ST18: variants seen among roughly 807,000 people sequenced by gnomAD.
The protein encoded by ST18 is suppression of tumorigenicity 18 protein.
Under a neutral mutation model 110.0 loss-of-function variants are expected in ST18, and 50 were observed. The ratio of observed to expected loss-of-function variants is 0.45; its 90% CI spans 0.36 to 0.58. The LOEUF (loss-of-function observed/expected upper bound fraction) is 0.58, where lower values mean the gene tolerates loss of function less well. Ranked by LOEUF, ST18 falls within the 20% of genes least tolerant of loss-of-function variation. The probability of loss-of-function intolerance (pLI) is 0.00; values close to 1 mark genes in which losing one functional copy is unlikely to be tolerated. For missense variants in ST18, 1,306 were observed against 1,280.1 expected (o/e 1.02, Z -0.31); for synonymous variants, 461 against 452.4 (o/e 1.02, Z -0.24).
chr8:52,156,990 A>G (rs1033573273), intron 15 of ST18, among the ~76,000 whole-genome samples: 1 of 152,170 alleles, frequency 6.6e-6, no homozygotes, highest in Admixed American at 6.5e-5. Context: ...CTTGGTTGGC[A>G]CTGAAAGGCT....
intron 2 of ST18, among the ~76,000 whole-genome samples, chr8:52,348,773 A>G (rs1257118311): frequency 6.6e-6 from 1 of 152,166 alleles, no homozygotes. Flanking sequence ...TTTATCATGT[A>G]CAGTATGAAG....
chr8:52,396,813 G>T (rs1371323842), intron 2 of ST18, among the ~76,000 whole-genome samples: 1 of 152,120 alleles, frequency 6.6e-6, no homozygotes, highest in Non-Finnish European at 1.5e-5. Context: ...ATGAGATTTG[G>T]GTGGGGACAC....
intron 2 of ST18, among the ~76,000 whole-genome samples, chr8:52,388,841 G>A (rs1252682809): frequency 1.3e-5 from 2 of 148,250 alleles, no homozygotes; most frequent in Non-Finnish European, 3.0e-5. Flanking sequence ...GGGAGGGATA[G>A]CTTTAGGAGA....
At chr8:52,143,120 C>A (rs1379226858) in intron 16 of ST18, 75 bp from the exon 17 acceptor site, 3 of 922,292 alleles carry the variant, frequency 3.3e-6, no homozygotes, top group African/African-American at 1.7e-5. Context: ...GATTTAAAAT[C>A]ATTGAAGCCA....
rs112003570 is a variant in ST18 at position 52,227,623 on chromosome 8, A to T, written c.-419+2409T>A. ...AGAGGGTCAAAGACTTGATGGTCAA[A>T]TTAGATACCTAAAATTAAATGCTTT... is the stretch of plus-strand genomic sequence containing the variant. On this transcript the variant is annotated intron_variant, in intron 3 of 25. Transcript: ENST00000689386. 7.5e-3 allele frequency among the ~76,000 whole-genome samples: 1,143 copies of T among 152,334 alleles called. 7 individuals are homozygous for T. Among genetic ancestry groups the T allele is most frequent in the Non-Finnish European group, 9.7e-3 (658 of 68,030 alleles).
intron 9 of ST18, among the ~76,000 whole-genome samples, chr8:52,173,679 C>G (rs950326277): frequency 6.6e-6 from 1 of 152,034 alleles, no homozygotes; most frequent in Non-Finnish European, 1.5e-5. Context: ...GCAACAGTGC[C>G]CAGACATCCA....
chr8:52,193,987 C>T (rs1019522823), intron 8 of ST18, among the ~76,000 whole-genome samples: 7 of 152,190 alleles, frequency 4.6e-5, no homozygotes, highest in African/African-American at 1.7e-4. Context: ...TGTCATGGAA[C>T]ACTGATTCCA....
chr8:52,247,068 T>C (rs2093920171), intron 2 of ST18, among the ~76,000 whole-genome samples: 1 of 152,120 alleles, frequency 6.6e-6, no homozygotes, highest in Non-Finnish European at 1.5e-5. Flanking sequence ...ATTTTATAGC[T>C]CCTCTTAGAT....
At chr8:52,382,788 A>G (rs1463404028) in intron 2 of ST18, among the ~76,000 whole-genome samples, 1 of 151,864 alleles carries the variant, frequency 6.6e-6, no homozygotes, top group African/African-American at 2.4e-5. Context: ...ATAGGGCAAG[A>G]AAGTGCCTCA....
At chr8:52,226,463 C>T (rs1234435075) in intron 3 of ST18, among the ~76,000 whole-genome samples, 3 of 152,186 alleles carry the variant, frequency 2.0e-5, no homozygotes, top group Non-Finnish European at 4.4e-5. Flanking sequence ...TCTTAATGTG[C>T]TTCCATAGAT....
chr8:52,274,606 G>A (rs1282783007), intron 2 of ST18, among the ~76,000 whole-genome samples: 2 of 147,040 alleles, frequency 1.4e-5, no homozygotes, highest in Non-Finnish European at 2.9e-5. Context: ...GGTAGGTCCT[G>A]TTTGCTCCGT....
intron 2 of ST18, among the ~76,000 whole-genome samples, chr8:52,390,746 G>T (rs142404937): frequency 2.6e-5 from 4 of 152,192 alleles, no homozygotes; most frequent in Non-Finnish European, 5.9e-5. Context: ...CACTGGGCCC[G>T]TGCCACAGCG....
In ST18 at chr8:52,317,684, AGTTT is replaced by A. The variant is rs568582734; in HGVS notation, c.-464-87611_-464-87608del. On this transcript the variant is annotated intron_variant, in intron 2 of 25. Transcript: ENST00000689386. ...TGTACAATAAAAGTTCTTAAAATGC[AGTTT>A]GTTTGTGTTTCAACTTTTTGTCTAA... Among the ~76,000 whole-genome samples, 363 of 152,266 alleles carry A rather than the reference AGTTT, an allele frequency of 2.4e-3. 3 individuals carry two copies. Among genetic ancestry groups the A allele is most frequent in the Non-Finnish European group, 4.4e-3 (298 of 68,028 alleles).
chr8:52,165,082 C>A (rs369709126), intron 12 of ST18, 53 bp downstream of exon 12: 1 of 1,553,132 alleles, frequency 6.4e-7, no homozygotes, highest in Non-Finnish European at 8.9e-7. Context: ...ATTGGTGGAA[C>A]GTTTCTACCA....
chr8:52,296,598 A>G (rs1422009756), intron 2 of ST18: 2 of 152,194 alleles, frequency 1.3e-5, no homozygotes, highest in African/African-American at 4.8e-5. Flanking sequence ...CACTTACTGT[A>G]ACTCAGCTTC....
intron 2 of ST18, among the ~76,000 whole-genome samples, chr8:52,340,653 TTTG>T (rs1814515374): frequency 6.6e-6 from 1 of 152,292 alleles, no homozygotes; most frequent in East Asian, 1.9e-4. Context: ...CTCCACTCAC[TTTG>T]TTATCTGTCC....
intron 2 of ST18, among the ~76,000 whole-genome samples, chr8:52,302,787 G>T (rs555223215): frequency 7.2e-5 from 11 of 152,160 alleles, no homozygotes; most frequent in African/African-American, 2.7e-4. Flanking sequence ...AATCTATACA[G>T]ATATAAAAAT....
chr8:52,308,922 G>A (rs1394159622), intron 2 of ST18, among the ~76,000 whole-genome samples: 4 of 152,198 alleles, frequency 2.6e-5, no homozygotes, highest in Non-Finnish European at 4.4e-5. Flanking sequence ...GCTAGTGTTC[G>A]CCATGGTACA....
intron 21 of ST18, 123 bp from the exon 22 acceptor site, chr8:52,132,302 G>A (rs573600395): frequency 3.4e-5 from 27 of 805,262 alleles, no homozygotes; most frequent in Middle Eastern, 3.8e-4. Context: ...TAGCAAAACA[G>A]CATTGCATAA....
Sources: allele counts gnomAD v4.1 joint callset (sites outside exome capture counted in the v4.1 genomes callset), GRCh38; gene constraint gnomAD v4.1.1; transcripts MANE v1.5; gene names NCBI Gene and HGNC (gene_info 2026-07-23, HGNC 2026-07-21).